MAP2K1: variants seen among roughly 807,000 people sequenced by gnomAD.
MAP2K1 encodes mitogen-activated protein kinase kinase 1.
A neutral mutation model predicts 46.3 loss-of-function variants in MAP2K1; 16 were observed. The ratio of observed to expected loss-of-function variants is 0.35; its 90% CI spans 0.23 to 0.52. MAP2K1 has a LOEUF of 0.52. MAP2K1 is among the 20% of genes least tolerant of loss of function. The pLI, the probability that MAP2K1 is intolerant of heterozygous loss-of-function variation, is 0.94. For missense variants in MAP2K1, 263 were observed against 497.1 expected, an observed-to-expected ratio of 0.53 and a Z score of 4.48; for synonymous variants, 183 against 185.6, an observed-to-expected ratio of 0.99 and a Z score of 0.11.
At chr15:66,463,916 G>C (rs1382261631) in intron 5 of MAP2K1, among the ~76,000 whole-genome samples, 1 of 152,226 alleles carries the variant, frequency 6.6e-6, no homozygotes, top group Admixed American at 6.5e-5. Context: ...GTAGGTGAGA[G>C]ACAAATGGTT....
intron 1 of MAP2K1, among the ~76,000 whole-genome samples, chr15:66,396,582 A>G (rs2093368158): frequency 1.3e-5 from 2 of 151,432 alleles, no homozygotes; most frequent in Admixed American, 6.6e-5. Context: ...GATGGTACCG[A>G]TCTTTCAAGA....
chr15:66,432,283 A>G (rs974987935), intron 1 of MAP2K1, among the ~76,000 whole-genome samples: 2 of 152,218 alleles, frequency 1.3e-5, no homozygotes, highest in African/African-American at 4.8e-5. Flanking sequence ...AGCTTCTGAA[A>G]GTACAGGTCA....
intron 1 of MAP2K1, among the ~76,000 whole-genome samples, chr15:66,421,053 TAC>T (rs1194581159): frequency 6.8e-6 from 1 of 146,522 alleles, no homozygotes; most frequent in Non-Finnish European, 1.5e-5. Context: ...TATATATATG[TAC>T]ACACATACAC....
At chr15:66,445,971 C>T (rs950058330) in intron 5 of MAP2K1, among the ~76,000 whole-genome samples, 4 of 151,912 alleles carry the variant, frequency 2.6e-5, no homozygotes, top group Non-Finnish European at 5.9e-5. Context: ...TGCCTGTAAT[C>T]CCAGCATTTT....
intron 5 of MAP2K1, among the ~76,000 whole-genome samples, chr15:66,478,433 T>C (rs147940104): frequency 1.0e-3 from 136 of 133,814 alleles, no homozygotes; most frequent in East Asian, 7.9e-4. Context: ...TATATATATA[T>C]ACACACAGGT....
rs1301109791 is a variant in MAP2K1, at chr15:66,489,221, C to T, written c.967C>T (p.Pro323Ser). 1 of 1,613,888 alleles carries T rather than the reference C, an allele frequency of 6.2e-7. No homozygotes were observed. The highest frequency in any genetic ancestry group is 8.5e-7 in the Non-Finnish European group (1 of 1,179,916). ...TCTCAACATGTGTTTGCAGCCTCCT[C>T]CAAAACTGCCCAGTGGAGTGTTCAG... ...LLDYIVNEPPPKLPSGVFSLE... is the reference protein window; with the variant it reads ...LLDYIVNEPPSKLPSGVFSLE... Residue 323 changes from proline (P) to serine (S), a missense_variant, in exon 9 of 11, where the codon CCA becomes TCA. Around this residue, in one of 4 missense-constraint regions of MAP2K1, gnomAD observed 118 missense variants for 193.0 expected, o/e 0.61. Coordinates refer to ENST00000307102, the MANE Select transcript of MAP2K1 (RefSeq NM_002755.4).
rs527984504 is a variant in MAP2K1, at chr15:66,408,886, C to T, written c.80+21459C>T. 3.3e-5 allele frequency among the ~76,000 whole-genome samples: 5 copies of T among 152,312 alleles called. No homozygotes were observed. In the South Asian group the frequency reaches 8.3e-4, roughly 25 times the overall value. Reference sequence around the variant, plus strand: ...GGCAGCGGTCATCTGCTCCACCCTCCGGAGCACTCTGTACATATTCCATCA... The same window carrying T: ...GGCAGCGGTCATCTGCTCCACCCTCTGGAGCACTCTGTACATATTCCATCA... On this transcript the variant is annotated intron_variant, in intron 1 of 10. Coordinates refer to ENST00000307102, the MANE Select transcript of MAP2K1 (RefSeq NM_002755.4).
chr15:66,467,860 G>A (rs1394072188), intron 5 of MAP2K1, among the ~76,000 whole-genome samples: 1 of 152,094 alleles, frequency 6.6e-6, no homozygotes, highest in Non-Finnish European at 1.5e-5. Context: ...CGCGCCCGGT[G>A]GCTCACAAGC....
At chr15:66,401,984 T>G (rs1257437485) in intron 1 of MAP2K1, 1 of 1,340,254 alleles carries the variant, frequency 7.5e-7, no homozygotes, top group Non-Finnish European at 9.8e-7. Context: ...AGGCTGAACA[T>G]TTTGAAAAAT....
rs747807884 is a variant in MAP2K1, at chr15:66,485,167, A to G, written c.871A>G (p.Arg291Gly). The part of the protein sequence containing the change: ...GDAAETPPRP[R>G]TPGRPLSSYG... ...TGCGGCTGAGACCCCACCCAGGCCA[A>G]GGACCCCCGGGAGGCCCCTTAGCTG... Residue 291 changes from arginine (R) to glycine (G), a missense_variant, in exon 7 of 11, where the codon AGG becomes GGG. Arg to Gly is a moderately radical substitution (Grantham distance 125). Coordinates refer to ENST00000307102, the MANE Select transcript of MAP2K1 (RefSeq NM_002755.4). 7.4e-6 allele frequency: 12 copies of G among 1,613,820 alleles called. No homozygotes were observed. The highest frequency in any genetic ancestry group is 3.3e-5 in the Admixed American group (2 of 60,010).
chr15:66,437,908 T>G (rs1366409967), intron 3 of MAP2K1, among the ~76,000 whole-genome samples: 1 of 152,102 alleles, frequency 6.6e-6, no homozygotes, highest in Non-Finnish European at 1.5e-5. Context: ...GGGAAGCATA[T>G]GAACATTTCT....
At chr15:66,437,553 TTGG>T (rs2140585962) in intron 3 of MAP2K1, among the ~76,000 whole-genome samples, 1 of 152,364 alleles carries the variant, frequency 6.6e-6, no homozygotes, top group South Asian at 2.1e-4. Context: ...GTCTGCACAC[TTGG>T]TGGCTGTTGT....
At chr15:66,406,623 T>TGA (rs2093397508) in intron 1 of MAP2K1, among the ~76,000 whole-genome samples, 1 of 152,214 alleles carries the variant, frequency 6.6e-6, no homozygotes, top group Admixed American at 6.5e-5. Context: ...GTCATGTGCA[T>TGA]GAGTATGCTC....
chr15:66,444,425 CAG>C lies in MAP2K1; in HGVS notation c.517-230_517-229del, dbSNP rs1376851028. Among the ~76,000 whole-genome samples the C allele has an allele frequency of 8.6e-5, 13 of 151,880 alleles. No homozygotes were observed. In the South Asian group the frequency reaches 2.3e-3, roughly 27 times the overall value. ...GCGCATGCCCGTAATCCCAGCTACT[CAG>C]GGGGCTGAGGCAGGAGAATCACTTG... On this transcript the variant is annotated intron_variant, in intron 4 of 10. Transcript: ENST00000307102.
At position 66,435,026 on chromosome 15, in the gene MAP2K1, G is replaced by T. The variant is rs2093483994; in HGVS notation, c.81-1G>T. The stretch of plus-strand genomic sequence containing the variant: ...GACTTGTGCTCCCCACTTTGGAACA[G>T]GACCAACTTGGAGGCCTTGCAGAAG... On this transcript the variant is annotated splice_acceptor_variant, in intron 1 of 10. Coordinates refer to ENST00000307102, the MANE Select transcript of MAP2K1 (RefSeq NM_002755.4). LOFTEE classifies it high-confidence loss of function. 6.2e-7 allele frequency: 1 copy of T among 1,610,620 alleles called. No homozygotes were observed. The highest frequency in any genetic ancestry group is 1.1e-5 in the South Asian group (1 of 90,938).
chr15:66,387,274 G>C lies in MAP2K1; in HGVS notation c.-74G>C. The stretch of plus-strand genomic sequence containing the variant: ...GGACTTGGTCCTGCGCAGCGGGCGC[G>C]GGGCAGCGCAGCGGGAGGAAGCGAG... On this transcript the variant is annotated 5_prime_UTR_variant, in exon 1 of 11. Coordinates refer to ENST00000307102, the MANE Select transcript of MAP2K1 (RefSeq NM_002755.4). 2.3e-6 allele frequency: 3 copies of C among 1,317,100 alleles called. No homozygotes were observed. The highest frequency in any genetic ancestry group is 3.2e-6 in the Non-Finnish European group (3 of 936,904). 81.6% of individuals were successfully genotyped at this position (1,317,100 alleles called of 1,614,324 possible). A position where few individuals can be genotyped will look rare whatever the true frequency, so the allele number is the denominator to read the frequency against.
At chr15:66,478,738 A>C (rs1176925383) in intron 5 of MAP2K1, among the ~76,000 whole-genome samples, 5 of 151,930 alleles carry the variant, frequency 3.3e-5, no homozygotes, top group African/African-American at 4.8e-5. Context: ...CAGCCTCCCA[A>C]AGTGCTGGGG....
At chr15:66,479,885 AT>A (rs11399903) in intron 5 of MAP2K1, among the ~76,000 whole-genome samples, 1 of 151,040 alleles carries the variant, frequency 6.6e-6, no homozygotes. Context: ...GAGGGTCATG[AT>A]TTTTTTTTAT....
At chr15:66,416,899 C>A (rs2093425901) in intron 1 of MAP2K1, among the ~76,000 whole-genome samples, 1 of 152,182 alleles carries the variant, frequency 6.6e-6, no homozygotes, top group African/African-American at 2.4e-5. Context: ...TCTGCTCTTG[C>A]TGCTCTTAAC....
Sources: gnomAD v4.1 joint callset for allele counts (sites outside exome capture counted in the v4.1 genomes callset) on GRCh38, gnomAD v4.1.1 for gene constraint, gnomAD v4.1.1 regional missense constraint, MANE v1.5 for transcripts, NCBI Gene and HGNC (gene_info 2026-07-23, HGNC 2026-07-21) for gene names.